SLC39A11: variants seen among roughly 807,000 people sequenced by gnomAD.
SLC39A11 encodes solute carrier family 39 member 11.
SLC39A11 carries 33 observed loss-of-function variants against 36.1 expected under a neutral mutation model. The observed-to-expected ratio is 0.91, with a 90% CI of 0.69 to 1.22. SLC39A11 has a LOEUF of 1.22. SLC39A11 is among the 50% of genes most tolerant of loss of function. The pLI is 0.00. For missense variants in SLC39A11, 432 were observed against 430.3 expected (o/e 1.00, Z -0.03); for synonymous variants, 166 against 170.3 (o/e 0.97, Z 0.20).
chr17:72,880,167 T>C (rs181361559), intron 5 of SLC39A11, among the ~76,000 whole-genome samples: 48 of 152,364 alleles, frequency 3.2e-4, no homozygotes, highest in Non-Finnish European at 5.4e-4. Context: ...ACACACTGCC[T>C]GGCACATAGC....
At chr17:72,789,794 C>T (rs1364971980) in intron 6 of SLC39A11, among the ~76,000 whole-genome samples, 2 of 152,340 alleles carry the variant, frequency 1.3e-5, no homozygotes, top group East Asian at 1.9e-4. Context: ...GAGAGTCAGG[C>T]CTTACTGAAG....
At chr17:72,725,507 T>C (rs977168127) in intron 7 of SLC39A11, 4 of 152,246 alleles carry the variant, frequency 2.6e-5, no homozygotes, top group Admixed American at 6.5e-5. Flanking sequence ...CAAAGTTACA[T>C]GTAACTTACA....
rs191562901 is a variant in SLC39A11 at position 72,915,271 on chromosome 17, G to A, written c.430+32481C>T. On this transcript the variant is annotated intron_variant, in intron 5 of 9. Coordinates refer to ENST00000255559, the MANE Select transcript of SLC39A11 (RefSeq NM_139177.4). ...CTCACACCGGGACACTATTTCTCTC[G>A]CCCACCATCCACCCAGGCCCAGGTA... Among the ~76,000 whole-genome samples the A allele has an allele frequency of 2.9e-3, 440 of 152,070 alleles. 3 individuals carry two copies. Among genetic ancestry groups the A allele is most frequent in the Non-Finnish European group, 2.1e-3 (145 of 67,984 alleles).
chr17:73,012,772 TTATTTATTTATTTATTTAGAGCCACA>T (rs1167055943), intron 4 of SLC39A11, among the ~76,000 whole-genome samples: 1 of 151,870 alleles, frequency 6.6e-6, no homozygotes, highest in African/African-American at 2.4e-5. Context: ...TTATTTTATT[TTATTTATTTATTTATTTAGAGCCACA>T]TATTTATTTA....
chr17:72,996,187 A>C (rs1440133406), intron 4 of SLC39A11, among the ~76,000 whole-genome samples: 1 of 151,996 alleles, frequency 6.6e-6, no homozygotes, highest in African/African-American at 2.4e-5. Context: ...TTTGTATAAC[A>C]TGTCACGCCC....
chr17:72,679,978 G>C (rs1396201061), intron 7 of SLC39A11, among the ~76,000 whole-genome samples: 2 of 142,168 alleles, frequency 1.4e-5, no homozygotes, highest in Admixed American at 7.4e-5. Context: ...GGAGGCAGAG[G>C]TTGCAGTGAG....
At chr17:73,078,205 T>C (rs1446383199) in intron 3 of SLC39A11, among the ~76,000 whole-genome samples, 1 of 144,042 alleles carries the variant, frequency 6.9e-6, no homozygotes, top group East Asian at 2.0e-4. Flanking sequence ...ACCTTTGCAG[T>C]CCAGCCTAGG....
At chr17:72,810,264 A>G (rs1381447126) in intron 6 of SLC39A11, among the ~76,000 whole-genome samples, 2 of 152,208 alleles carry the variant, frequency 1.3e-5, no homozygotes, top group Non-Finnish European at 2.9e-5. Flanking sequence ...TATACAAGAA[A>G]AATGAGTGTG....
rs371252412 is a variant in SLC39A11 at position 72,828,171 on chromosome 17, C to G, written c.601+21463G>C. Among the ~76,000 whole-genome samples the G allele has an allele frequency of 8.5e-5, 13 of 152,282 alleles. No individual in the cohort carries two copies. In the East Asian group the frequency reaches 1.4e-3, roughly 16 times the overall value. On this transcript the variant is annotated intron_variant, in intron 6 of 9. Coordinates refer to ENST00000255559, the MANE Select transcript of SLC39A11 (RefSeq NM_139177.4). ...CCTAATCTCGAGAATCTGAATATGC[C>G]GTGTGGCATGGCAGGGAAAACTGGG...
At chr17:73,060,641 C>T (rs2059813161) in intron 3 of SLC39A11, among the ~76,000 whole-genome samples, 1 of 151,966 alleles carries the variant, frequency 6.6e-6, no homozygotes, top group Non-Finnish European at 1.5e-5. Context: ...CATCTCTCAC[C>T]TTGTAAAGGG....
chr17:72,869,534 C>G (rs1258041591), intron 5 of SLC39A11, among the ~76,000 whole-genome samples: 1 of 152,132 alleles, frequency 6.6e-6, no homozygotes, highest in Non-Finnish European at 1.5e-5. Context: ...GGACTACAGG[C>G]ACCCGCCACC....
chr17:72,819,304 A>G (rs1004377731), intron 6 of SLC39A11, among the ~76,000 whole-genome samples: 11 of 151,346 alleles, frequency 7.3e-5, no homozygotes, highest in African/African-American at 2.2e-4. Context: ...AGCCATCTGC[A>G]AACCAAGGAG....
chr17:72,857,800 G>A (rs978627880), intron 5 of SLC39A11, among the ~76,000 whole-genome samples: 28 of 151,984 alleles, frequency 1.8e-4, no homozygotes, highest in Non-Finnish European at 3.7e-4. Flanking sequence ...AAAAGTGTTC[G>A]TGTCCTCTGC....
rs1165334910 is a variant in SLC39A11, at chr17:73,047,966, C to CAAAAAAAAAAA, written c.148-16263_148-16253dup. ...CTGGCGACAGAGCAAGACTCCATCT[C>CAAAAAAAAAAA]AAAAAAAAAAAAAAAAAAAAAAAAA... On this transcript the variant is annotated intron_variant, in intron 3 of 9. Coordinates refer to ENST00000255559, the MANE Select transcript of SLC39A11 (RefSeq NM_139177.4). Among the ~76,000 whole-genome samples the CAAAAAAAAAAA allele has an allele frequency of 9.8e-4, 20 of 20,492 alleles. 6 individuals carry two copies. The South Asian group carries it at 0.01, about 10-fold the overall frequency. The allele number at this position is 20,492 out of a possible 152,430, so 13.4% of individuals were successfully genotyped here.
At chr17:73,076,733 A>G (rs1303395844) in intron 3 of SLC39A11, among the ~76,000 whole-genome samples, 1 of 152,160 alleles carries the variant, frequency 6.6e-6, no homozygotes, top group African/African-American at 2.4e-5. Flanking sequence ...CTCCAAGGAT[A>G]CAGACTCAGG....
At chr17:72,888,423 A>G (rs1007381084) in intron 5 of SLC39A11, among the ~76,000 whole-genome samples, 2 of 152,178 alleles carry the variant, frequency 1.3e-5, no homozygotes, top group African/African-American at 4.8e-5. Flanking sequence ...CCTGATCCCA[A>G]CAGATGGGGT....
intron 1 of SLC39A11, chr17:73,089,766 C>T (rs1053837059): frequency 5.9e-5 from 9 of 152,182 alleles, no homozygotes. Flanking sequence ...ATGGAATGTC[C>T]CCTGGTCAAC....
chr17:73,025,765 G>A (rs2148628158), intron 4 of SLC39A11, among the ~76,000 whole-genome samples: 1 of 152,220 alleles, frequency 6.6e-6, no homozygotes, highest in African/African-American at 2.4e-5. Flanking sequence ...CAAGCAAATT[G>A]GAAAAGTGTT....
At chr17:72,813,732 G>A (rs2077498973) in intron 6 of SLC39A11, among the ~76,000 whole-genome samples, 1 of 152,198 alleles carries the variant, frequency 6.6e-6, no homozygotes, top group African/African-American at 2.4e-5. Flanking sequence ...TTTTTAGCAG[G>A]TGGTACAAAA....
Sources: allele counts gnomAD v4.1 joint callset (sites outside exome capture counted in the v4.1 genomes callset), GRCh38; gene constraint gnomAD v4.1.1; transcripts MANE v1.5; gene names NCBI Gene and HGNC (gene_info 2026-07-23, HGNC 2026-07-21).